Variants in PHACTR1 observed in about 807,000 individuals in gnomAD.
PHACTR1 encodes RPEL repeat containing 1.
A neutral mutation model predicts 69.2 loss-of-function variants in PHACTR1; 16 were observed. The ratio of observed to expected loss-of-function variants is 0.23; its 90% CI spans 0.16 to 0.35. PHACTR1 has a LOEUF of 0.35. Among genes scored for constraint, PHACTR1 ranks in the 10% least tolerant of loss-of-function variants. PHACTR1 has a pLI of 1.00. For missense variants in PHACTR1, 510 were observed against 734.7 expected, an observed-to-expected ratio of 0.69 and a Z score of 3.54; for synonymous variants, 312 against 284.5, an observed-to-expected ratio of 1.10 and a Z score of -0.97.
chr6:12,859,994 T>C (rs527990086), intron 4 of PHACTR1, among the ~76,000 whole-genome samples: 3 of 150,536 alleles, frequency 2.0e-5, no homozygotes, highest in African/African-American at 7.4e-5. Context: ...ATCTTCATCA[T>C]CATCATCATC....
chr6:12,909,533 G>A (rs1786123593), intron 4 of PHACTR1, among the ~76,000 whole-genome samples: 1 of 152,202 alleles, frequency 6.6e-6, no homozygotes, highest in Admixed American at 6.5e-5. Context: ...GAAGGGCATG[G>A]CATCGAGCCG....
At chr6:12,749,505 C>A in intron 3 of PHACTR1, 139 bp from the exon 4 acceptor site, 1 of 665,228 alleles carries the variant, frequency 1.5e-6, no homozygotes. Flanking sequence ...TTTTCCCTCT[C>A]TTTCCCACTC....
intron 5 of PHACTR1, among the ~76,000 whole-genome samples, chr6:13,070,126 T>C (rs1809282359): frequency 6.6e-6 from 1 of 152,182 alleles, no homozygotes; most frequent in African/African-American, 2.4e-5. Flanking sequence ...ATGATTATCA[T>C]TGCCTTTGAG....
At chr6:12,747,189 T>C (rs1390592707) in intron 3 of PHACTR1, among the ~76,000 whole-genome samples, 1 of 152,154 alleles carries the variant, frequency 6.6e-6, no homozygotes. Context: ...ATCAGTCAAA[T>C]ATATATACTT....
At chr6:13,011,133 A>G (rs1476268968) in intron 4 of PHACTR1, among the ~76,000 whole-genome samples, 2 of 152,220 alleles carry the variant, frequency 1.3e-5, no homozygotes, top group Non-Finnish European at 2.9e-5. Flanking sequence ...AGACACTAAA[A>G]TGCACACATC....
At chr6:12,909,538 G>A (rs576973170) in intron 4 of PHACTR1, among the ~76,000 whole-genome samples, 6 of 152,348 alleles carry the variant, frequency 3.9e-5, no homozygotes, top group African/African-American at 9.6e-5. Context: ...GCATGGCATC[G>A]AGCCGGATGC....
intron 4 of PHACTR1, among the ~76,000 whole-genome samples, chr6:12,860,870 G>A (rs138892149): frequency 2.0e-4 from 30 of 152,212 alleles, no homozygotes; most frequent in African/African-American, 5.8e-4. Flanking sequence ...TATAAGGATC[G>A]CTTGACAATT....
At chr6:13,008,663 C>T (rs937491911) in intron 4 of PHACTR1, among the ~76,000 whole-genome samples, 17 of 152,198 alleles carry the variant, frequency 1.1e-4, no homozygotes, top group Admixed American at 6.5e-5. Context: ...CACACACACA[C>T]GCATAGCAGC....
intron 3 of PHACTR1, among the ~76,000 whole-genome samples, chr6:12,733,219 T>C (rs1763789052): frequency 6.6e-6 from 1 of 152,218 alleles, no homozygotes; most frequent in South Asian, 2.1e-4. Context: ...ACTACAATAA[T>C]AGGACATCAG....
At chr6:13,102,557 A>G (rs1815343288) in intron 5 of PHACTR1, among the ~76,000 whole-genome samples, 1 of 152,184 alleles carries the variant, frequency 6.6e-6, no homozygotes. Flanking sequence ...AATTGTGCAT[A>G]TTTTGGTGTC....
At chr6:12,863,555 A>G (rs1781148969) in intron 4 of PHACTR1, among the ~76,000 whole-genome samples, 2 of 152,238 alleles carry the variant, frequency 1.3e-5, no homozygotes, top group Non-Finnish European at 2.9e-5. Flanking sequence ...GAAAACAGAT[A>G]AGGAGGTGAG....
intron 6 of PHACTR1, among the ~76,000 whole-genome samples, chr6:13,165,989 G>A (rs956006111): frequency 6.6e-6 from 1 of 152,182 alleles, no homozygotes; most frequent in African/African-American, 2.4e-5. Context: ...GTAAAGCCCT[G>A]CATGGTCTGC....
At chr6:13,059,873 T>C (rs1180082174) in intron 5 of PHACTR1, among the ~76,000 whole-genome samples, 1 of 152,094 alleles carries the variant, frequency 6.6e-6, no homozygotes, top group East Asian at 1.9e-4. Context: ...GGGCTGGCTA[T>C]GTAAATTTCA....
chr6:13,006,203 T>C (rs1297591470), intron 4 of PHACTR1, among the ~76,000 whole-genome samples: 2 of 152,204 alleles, frequency 1.3e-5, no homozygotes, highest in Non-Finnish European at 2.9e-5. Context: ...TTATCCCTGT[T>C]CTATTTACTA....
At chr6:13,017,993 GA>G (rs1365680914) in intron 4 of PHACTR1, among the ~76,000 whole-genome samples, 1 of 152,068 alleles carries the variant, frequency 6.6e-6, no homozygotes, top group East Asian at 1.9e-4. Flanking sequence ...CATTTATATA[GA>G]AATTTACTAA....
chr6:13,029,088 C>G (rs976330167), intron 4 of PHACTR1, among the ~76,000 whole-genome samples: 1 of 152,068 alleles, frequency 6.6e-6, no homozygotes, highest in Non-Finnish European at 1.5e-5. Context: ...TACTATTTAT[C>G]TCAATTTGGT....
intron 6 of PHACTR1, among the ~76,000 whole-genome samples, chr6:13,176,370 A>G (rs1393541076): frequency 6.6e-6 from 1 of 152,138 alleles, no homozygotes; most frequent in African/African-American, 2.4e-5. Flanking sequence ...AACACATCTC[A>G]TGCATCCACG....
chr6:13,001,926 C>G (rs1418848152), intron 4 of PHACTR1, among the ~76,000 whole-genome samples: 2 of 152,202 alleles, frequency 1.3e-5, no homozygotes, highest in East Asian at 3.8e-4. Flanking sequence ...ATAGTAGTAT[C>G]AACCTGGATT....
chr6:12,795,057 T>G (rs963397261), intron 4 of PHACTR1, among the ~76,000 whole-genome samples: 1 of 152,180 alleles, frequency 6.6e-6, no homozygotes, highest in Non-Finnish European at 1.5e-5. Context: ...CTTGTTAAAA[T>G]GCAGATTCTG....
Sources: allele counts gnomAD v4.1 joint callset (sites outside exome capture counted in the v4.1 genomes callset), GRCh38; gene constraint gnomAD v4.1.1; transcripts MANE v1.5; gene names NCBI Gene and HGNC (gene_info 2026-07-23, HGNC 2026-07-21).